The following CNTNAP5 variants were observed in gnomAD, a reference collection of about 807,000 sequenced individuals.
CNTNAP5 encodes the protein contactin associated protein family member 5, also known as contactin-associated protein-like 5.
In CNTNAP5, 72 loss-of-function variants were observed where a neutral mutation model predicts 150.2. That is an observed-to-expected ratio of 0.48 (90% CI 0.40 to 0.58). CNTNAP5 has a LOEUF of 0.58. CNTNAP5 is among the 20% of genes least tolerant of loss of function. CNTNAP5 has a pLI of 0.00. For synonymous variants in CNTNAP5, 672 were observed against 619.8 expected (o/e 1.08, Z -1.25); for missense variants, 1,636 against 1,626.2 (o/e 1.01, Z -0.10).
chr2:124,900,189 A>C (rs1466084513), intron 21 of CNTNAP5, among the ~76,000 whole-genome samples: 3 of 151,538 alleles, frequency 2.0e-5, no homozygotes, highest in African/African-American at 7.3e-5. Context: ...ATTCTTCGAC[A>C]ACAATTATTG....
At chr2:124,454,875 C>T (rs1693080120) in intron 6 of CNTNAP5, among the ~76,000 whole-genome samples, 1 of 151,818 alleles carries the variant, frequency 6.6e-6, no homozygotes, top group African/African-American at 2.4e-5. Context: ...CTATCAAAAC[C>T]TCTGGGATAC....
At chr2:124,821,215 G>A (rs1682479345) in intron 19 of CNTNAP5, among the ~76,000 whole-genome samples, 1 of 152,136 alleles carries the variant, frequency 6.6e-6, no homozygotes, top group Non-Finnish European at 1.5e-5. Context: ...TCCACTTACC[G>A]ATAAGAAAAG....
intron 3 of CNTNAP5, among the ~76,000 whole-genome samples, chr2:124,319,810 T>C (rs769330821): frequency 1.3e-5 from 2 of 152,184 alleles, no homozygotes; most frequent in Non-Finnish European, 2.9e-5. Flanking sequence ...GTTGGGAAGG[T>C]GGCAAAATTG....
intron 12 of CNTNAP5, 77 bp downstream of exon 12, chr2:124,609,997 G>T: frequency 6.8e-7 from 1 of 1,474,156 alleles, no homozygotes. Flanking sequence ...CACTGGAGGG[G>T]GATACCTACG....
At chr2:124,216,454 A>C (rs1413559047) in intron 1 of CNTNAP5, among the ~76,000 whole-genome samples, 1 of 152,026 alleles carries the variant, frequency 6.6e-6, no homozygotes, top group Non-Finnish European at 1.5e-5. Flanking sequence ...TTTGTTACAT[A>C]TGTATACATG....
chr2:124,102,304 G>A (rs1361792777), intron 1 of CNTNAP5, among the ~76,000 whole-genome samples: 1 of 152,138 alleles, frequency 6.6e-6, no homozygotes, highest in Non-Finnish European at 1.5e-5. Context: ...ATGAAATAAA[G>A]GAAGAAACTC....
intron 3 of CNTNAP5, among the ~76,000 whole-genome samples, chr2:124,399,168 C>T (rs928991866): frequency 4.6e-5 from 7 of 152,014 alleles, no homozygotes; most frequent in Non-Finnish European, 7.4e-5. Flanking sequence ...AATTTCATTG[C>T]TTGGGCTACT....
chr2:124,824,185 T>C (rs1018660422), intron 19 of CNTNAP5, among the ~76,000 whole-genome samples: 3 of 152,096 alleles, frequency 2.0e-5, no homozygotes, highest in African/African-American at 7.2e-5. Flanking sequence ...CCCAAAATTC[T>C]GGGATTACAG....
At chr2:124,451,942 C>T (rs1574003966) in intron 6 of CNTNAP5, among the ~76,000 whole-genome samples, 1 of 152,092 alleles carries the variant, frequency 6.6e-6, no homozygotes, top group African/African-American at 2.4e-5. Flanking sequence ...CACAGTGGAC[C>T]TTCAGGAGGG....
chr2:124,742,221 A>C lies in CNTNAP5; in HGVS notation c.2078-5008A>C, dbSNP rs147680468. The stretch of plus-strand genomic sequence containing the variant: ...GCAGTCTGCTCTGCCAAATGGGTTA[A>C]ATAGTAGTTTTGCAAACTTTTTTCT... On this transcript the variant is annotated intron_variant, in intron 13 of 23. Transcript: ENST00000682447. Among the ~76,000 whole-genome samples the C allele has an allele frequency of 3.9e-5, 6 of 152,328 alleles. No homozygotes were observed. The East Asian group carries it at 1.2e-3, about 29-fold the overall frequency.
At chr2:124,036,250 A>T (rs935276714) in intron 1 of CNTNAP5, among the ~76,000 whole-genome samples, 1 of 152,016 alleles carries the variant, frequency 6.6e-6, no homozygotes, top group Non-Finnish European at 1.5e-5. Context: ...TAATCTGTGA[A>T]CCGCATATTA....
In CNTNAP5 at chr2:124,123,262, C is replaced by A. The variant is rs193293542; in HGVS notation, c.82+97530C>A. 2.8e-3 allele frequency among the ~76,000 whole-genome samples: 433 copies of A among 152,316 alleles called. 2 individuals carry two copies. The highest frequency in any genetic ancestry group is 1.0e-2 in the African/African-American group (415 of 41,566). ...CACACCAGGAGATTATATCCCATGC[C>A]TGGCTCGGAGGGTCCCACGCCCACG... On this transcript the variant is annotated intron_variant, in intron 1 of 23. Coordinates refer to ENST00000682447, the MANE Select transcript of CNTNAP5 (RefSeq NM_001367498.1).
chr2:124,605,340 A>G (rs2104978546), intron 11 of CNTNAP5, among the ~76,000 whole-genome samples: 1 of 152,322 alleles, frequency 6.6e-6, no homozygotes, highest in East Asian at 1.9e-4. Flanking sequence ...TAGATGATGG[A>G]AGATTAGCAA....
At position 124,504,431 on chromosome 2, in the gene CNTNAP5, A is replaced by G. The variant is rs1288311752; in HGVS notation, c.1202A>G (p.Lys401Arg). 6.2e-6 allele frequency: 10 copies of G among 1,613,934 alleles called. No individual in the cohort carries two copies. The highest frequency in any genetic ancestry group is 7.6e-6 in the Non-Finnish European group (9 of 1,179,870). ...SVSFQFRTWN[K>R]DGLLLSTELS... ...AGTTTCCAGTTTCGAACATGGAACAAGGATGGTCTGCTTCTGTCCACAGAG... is the reference window on the plus strand; with the variant it reads ...AGTTTCCAGTTTCGAACATGGAACAGGGATGGTCTGCTTCTGTCCACAGAG... The change falls in exon 8 of 24, where the codon AAG becomes AGG. Residue 401 changes from lysine to arginine, a missense_variant. Lys to Arg is a conservative substitution (Grantham distance 26). Coordinates refer to ENST00000682447, the MANE Select transcript of CNTNAP5 (RefSeq NM_001367498.1).
intron 13 of CNTNAP5, among the ~76,000 whole-genome samples, chr2:124,689,011 G>T (rs4848970): frequency 0.29 from 44,244 of 152,044 alleles, 7,263 homozygotes; most frequent in Non-Finnish European, 0.37. Context: ...AGGATATGAA[G>T]AATTACTAGT....
chr2:124,820,365 A>G (rs1377443036), intron 19 of CNTNAP5, among the ~76,000 whole-genome samples: 1 of 152,110 alleles, frequency 6.6e-6, no homozygotes, highest in East Asian at 1.9e-4. Flanking sequence ...CCACTCCATA[A>G]TGATATCTAA....
At chr2:124,865,091 A>ACACT (rs1553450095) in intron 19 of CNTNAP5, among the ~76,000 whole-genome samples, 2 of 146,132 alleles carry the variant, frequency 1.4e-5, no homozygotes, top group East Asian at 2.0e-4. Flanking sequence ...ACACACACAC[A>ACACT]CTCTCTCTCT....
intron 4 of CNTNAP5, among the ~76,000 whole-genome samples, chr2:124,425,978 G>T (rs1387697322): frequency 6.6e-6 from 1 of 152,014 alleles, no homozygotes; most frequent in Non-Finnish European, 1.5e-5. Flanking sequence ...TTATTCAACA[G>T]TCCAGTTGAA....
chr2:124,528,037 A>G (rs1695017225), intron 10 of CNTNAP5, among the ~76,000 whole-genome samples: 1 of 152,198 alleles, frequency 6.6e-6, no homozygotes, highest in South Asian at 2.1e-4. Flanking sequence ...TTCTAAATGC[A>G]AAGACACACT....
Sources: allele counts gnomAD v4.1 joint callset (sites outside exome capture counted in the v4.1 genomes callset), GRCh38; gene constraint gnomAD v4.1.1; transcripts MANE v1.5; gene names NCBI Gene and HGNC (gene_info 2026-07-23, HGNC 2026-07-21).